The following HDAC9 variants were observed in gnomAD, a reference collection of about 807,000 sequenced individuals.
HDAC9 encodes MEF-2 interacting transcription repressor (MITR) protein.
Under a neutral mutation model 139.4 loss-of-function variants are expected in HDAC9, and 41 were observed. The ratio of observed to expected loss-of-function variants is 0.29; its 90% CI spans 0.23 to 0.38. The LOEUF is 0.38. Among genes scored for constraint, HDAC9 ranks in the 10% least tolerant of loss-of-function variants. The pLI is 1.00. For synonymous variants in HDAC9, 517 were observed against 476.2 expected (o/e 1.09, Z -1.12); for missense variants, 1,147 against 1,297.0 (o/e 0.88, Z 1.78).
intron 6 of HDAC9, among the ~76,000 whole-genome samples, chr7:18,622,038 G>A (rs1336859338): frequency 6.6e-6 from 1 of 152,158 alleles, no homozygotes; most frequent in East Asian, 1.9e-4. Context: ...ATGAATAGGT[G>A]ATAGATTATA....
intron 6 of HDAC9, among the ~76,000 whole-genome samples, chr7:18,600,147 GT>G (rs892080619): frequency 2.6e-5 from 4 of 151,414 alleles, no homozygotes; most frequent in African/African-American, 9.7e-5. Context: ...TTTTAAATTG[GT>G]TTTTTTCTCA....
chr7:18,951,393 TA>T (rs1782784582), intron 23 of HDAC9, among the ~76,000 whole-genome samples: 1 of 151,972 alleles, frequency 6.6e-6, no homozygotes, highest in Non-Finnish European at 1.5e-5. Context: ...GATTAAGCTT[TA>T]GATACAATTA....
intron 2 of HDAC9, among the ~76,000 whole-genome samples, chr7:18,573,781 G>T (rs1825069314): frequency 6.6e-6 from 1 of 152,184 alleles, no homozygotes; most frequent in African/African-American, 2.4e-5. Context: ...TCTGGATGAG[G>T]GGAACATGGT....
chr7:18,540,788 A>G (rs1002428515), intron 2 of HDAC9, among the ~76,000 whole-genome samples: 5 of 152,202 alleles, frequency 3.3e-5, no homozygotes, highest in South Asian at 2.1e-4. Context: ...AATTTAAACA[A>G]TGTAATGTTT....
At chr7:18,162,258 A>G (rs1215890283) in exon 2 of HDAC9, 24 of 1,437,346 alleles carry the variant, frequency 1.7e-5, no homozygotes, top group Middle Eastern at 1.7e-4. Flanking sequence ...CTCCTGGACC[A>G]TTGTCAGCAG....
intron 1 of HDAC9, among the ~76,000 whole-genome samples, chr7:18,109,905 A>T (rs1450770573): frequency 1.3e-5 from 2 of 152,170 alleles, no homozygotes; most frequent in African/African-American, 2.4e-5. Context: ...CACATCAATC[A>T]TTGTATGGTG....
intron 1 of HDAC9, among the ~76,000 whole-genome samples, chr7:18,089,036 A>G (rs547015663): frequency 3.7e-4 from 57 of 152,330 alleles, no homozygotes; most frequent in African/African-American, 1.2e-3. Context: ...TAAGGTGGCA[A>G]TCCTGTCTGA....
chr7:18,292,396 G>T (rs1038285619), intron 1 of HDAC9, among the ~76,000 whole-genome samples: 3 of 152,072 alleles, frequency 2.0e-5, no homozygotes, highest in African/African-American at 7.2e-5. Flanking sequence ...CCGTGGTTTT[G>T]CTCTTAGGCT....
chr7:18,532,987 C>A (rs1310485031), intron 2 of HDAC9, among the ~76,000 whole-genome samples: 1 of 152,128 alleles, frequency 6.6e-6, no homozygotes, highest in Admixed American at 6.5e-5. Flanking sequence ...TGTGCACACA[C>A]ACAAATATGT....
chr7:18,647,822 C>A lies in HDAC9; in HGVS notation c.1073C>A (p.Thr358Lys), dbSNP rs367766754. Reference protein sequence around the residue: ...NSLKEKQKCETQTLRQGVPLP... With the variant: ...NSLKEKQKCEKQTLRQGVPLP... ...CTCAAAGAAAAGCAGAAGTGTGAGA[C>A]GCAGACGCTTAGGCAAGGTGTTCCT... Residue 358 changes from threonine to lysine, a missense_variant, in exon 10 of 26, where the codon ACG becomes AAG. Physicochemically the swap from Thr to Lys is moderately conservative, Grantham distance 78. Transcript: ENST00000686413. 58 of 1,611,628 alleles carry A rather than the reference C, an allele frequency of 3.6e-5. No homozygotes were observed. The highest frequency in any genetic ancestry group is 4.8e-5 in the Non-Finnish European group (56 of 1,178,936).
intron 2 of HDAC9, among the ~76,000 whole-genome samples, chr7:18,168,287 G>A (rs1461714528): frequency 2.0e-5 from 3 of 152,102 alleles, no homozygotes; most frequent in East Asian, 1.9e-4. Context: ...TTGGGGTCAC[G>A]TTTTTCAACA....
intron 17 of HDAC9, among the ~76,000 whole-genome samples, chr7:18,794,454 T>A (rs923423940): frequency 5.3e-5 from 8 of 152,220 alleles, no homozygotes; most frequent in African/African-American, 1.9e-4. Context: ...GTCCAAGAAG[T>A]CTTTACTCTT....
chr7:18,629,682 A>G (rs1332215684), intron 7 of HDAC9, among the ~76,000 whole-genome samples: 1 of 152,186 alleles, frequency 6.6e-6, no homozygotes, highest in East Asian at 1.9e-4. Flanking sequence ...AATGAATGAA[A>G]AAACAGAAGT....
At chr7:18,411,840 T>TTATC in intron 1 of HDAC9, among the ~76,000 whole-genome samples, 1 of 146,762 alleles carries the variant, frequency 6.8e-6, no homozygotes, top group South Asian at 2.2e-4. Flanking sequence ...TTTTTTTTTT[T>TTATC]TATCAGACAG....
chr7:18,644,248 C>A (rs183572951), intron 8 of HDAC9, among the ~76,000 whole-genome samples: 60 of 152,002 alleles, frequency 3.9e-4, no homozygotes, highest in African/African-American at 1.4e-3. Context: ...TCAGTTTTCC[C>A]ATCAATAAAA....
In HDAC9 at chr7:18,705,493, C is replaced by T. The variant is rs150903106; in HGVS notation, c.1732-22087C>T. On this transcript the variant is annotated intron_variant, in intron 12 of 25. Coordinates refer to ENST00000686413, the MANE Select transcript of HDAC9 (RefSeq NM_178425.4). ...ACACCTGGTGATCTAAATGGGTGTG[C>T]ATATTCTATTCCAATGATTAACCGA... 1.4e-3 allele frequency among the ~76,000 whole-genome samples: 219 copies of T among 152,224 alleles called. 1 individual carries two copies. The highest frequency in any genetic ancestry group is 5.0e-3 in the African/African-American group (208 of 41,550).
At chr7:18,743,922 TAGG>T (rs1199194060) in intron 13 of HDAC9, among the ~76,000 whole-genome samples, 1 of 151,764 alleles carries the variant, frequency 6.6e-6, no homozygotes, top group Non-Finnish European at 1.5e-5. Flanking sequence ...TTTGTGTTTT[TAGG>T]AGATCTTTGA....
chr7:18,802,936 C>T (rs570628617), intron 17 of HDAC9, among the ~76,000 whole-genome samples: 1 of 151,792 alleles, frequency 6.6e-6, no homozygotes, highest in East Asian at 1.9e-4. Context: ...TCTAATATGA[C>T]TGTGTATTTT....
At position 19,000,027 on chromosome 7, in the gene HDAC9, A is replaced by G. The variant is rs532192138; in HGVS notation, c.*3965A>G. 2 of 152,288 alleles carry G rather than the reference A, an allele frequency of 1.3e-5. No homozygotes were observed. Among genetic ancestry groups the G allele is most frequent in the South Asian group, 4.1e-4 (2 of 4,830 alleles). The allele number at this position is 152,288 out of a possible 1,614,324, so 9.4% of individuals were successfully genotyped here. A position where few individuals can be genotyped will look rare whatever the true frequency, so the allele number is the denominator to read the frequency against. ...TTGTCCTGCTGAGAAAATAAGGGGAAAACAAGATAGAAGTAAAAAACAACA... is the reference window on the plus strand; with the variant it reads ...TTGTCCTGCTGAGAAAATAAGGGGAGAACAAGATAGAAGTAAAAAACAACA... On this transcript the variant is annotated 3_prime_UTR_variant, in exon 26 of 26. Transcript: ENST00000686413.
Sources: gnomAD v4.1 joint callset for allele counts (sites outside exome capture counted in the v4.1 genomes callset) on GRCh38, gnomAD v4.1.1 for gene constraint, MANE v1.5 for transcripts, NCBI Gene and HGNC (gene_info 2026-07-23, HGNC 2026-07-21) for gene names.